SMARCA2: variants seen among roughly 807,000 people sequenced by gnomAD.
SMARCA2 encodes SWI/SNF-related matrix-associated actin-dependent regulator of chromatin subfamily A member 2.
Under a neutral mutation model 199.8 loss-of-function variants are expected in SMARCA2, and 61 were observed. The observed-to-expected ratio is 0.31, with a 90% CI of 0.25 to 0.38. The LOEUF (loss-of-function observed/expected upper bound fraction) is 0.38, where lower values mean the gene tolerates loss of function less well. SMARCA2 is among the 10% of genes least tolerant of loss of function. SMARCA2 has a pLI of 1.00. For synonymous variants in SMARCA2, 935 were observed against 732.0 expected (o/e 1.28, Z -4.48); for missense variants, 1,344 against 2,012.2 (o/e 0.67, Z 6.35).
chr9:2,168,956 A>T (rs554329055), intron 28 of SMARCA2, among the ~76,000 whole-genome samples: 3 of 152,088 alleles, frequency 2.0e-5, no homozygotes, highest in Admixed American at 2.0e-4. Flanking sequence ...CTAAGGTAGC[A>T]CTTGTTGTTT....
intron 22 of SMARCA2, 53 bp from the exon 23 acceptor site, chr9:2,103,950 T>TC: frequency 6.5e-7 from 1 of 1,543,290 alleles, no homozygotes; most frequent in Non-Finnish European, 8.9e-7. Context: ...CTGGATTTTT[T>TC]AAGAAGACAG....
chr9:2,052,728 C>T (rs1449921051), intron 5 of SMARCA2, among the ~76,000 whole-genome samples: 1 of 151,964 alleles, frequency 6.6e-6, no homozygotes, highest in Non-Finnish European at 1.5e-5. Context: ...TAAAAAATCA[C>T]TCATTTTGAT....
At chr9:2,191,156 G>C (rs1827851489) in intron 32 of SMARCA2, 110 bp from the exon 33 acceptor site, 1 of 1,048,902 alleles carries the variant, frequency 9.5e-7, no homozygotes, top group Non-Finnish European at 1.4e-6. Flanking sequence ...GAATGTTCTG[G>C]GCACTCTGGG....
chr9:2,140,357 T>C (rs1054790924), intron 27 of SMARCA2, among the ~76,000 whole-genome samples: 2 of 152,206 alleles, frequency 1.3e-5, no homozygotes, highest in African/African-American at 2.4e-5. Flanking sequence ...GGGAAGGATA[T>C]TGTGAAGTCC....
At chr9:2,191,142 C>A in intron 32 of SMARCA2, 124 bp from the exon 33 acceptor site, 1 of 913,094 alleles carries the variant, frequency 1.1e-6, no homozygotes, top group Non-Finnish European at 1.7e-6. Context: ...CAGGCATAAA[C>A]CGGGAATGTT....
rs561861581 is a variant in SMARCA2 at position 2,155,560 on chromosome 9, C to T, written c.3982-6126C>T. 2.0e-5 allele frequency among the ~76,000 whole-genome samples: 3 copies of T among 152,192 alleles called. No homozygotes were observed. In the East Asian group the frequency reaches 5.8e-4, roughly 29 times the overall value. On this transcript the variant is annotated intron_variant, in intron 27 of 33. Transcript: ENST00000349721. ...CCTCCCAAAGTGCTGGGATTACAGGCGTGAGCCACTGCGCGGGGGCATTTT... is the reference window on the plus strand; with the variant it reads ...CCTCCCAAAGTGCTGGGATTACAGGTGTGAGCCACTGCGCGGGGGCATTTT...
chr9:2,140,864 T>G (rs117222087), intron 27 of SMARCA2, among the ~76,000 whole-genome samples: 3,328 of 152,184 alleles, frequency 0.022, 45 homozygotes, highest in Non-Finnish European at 0.035. Flanking sequence ...GTCTTTCCAT[T>G]TGGTTGAGGA....
At chr9:2,158,847 A>G (rs1284551452) in intron 27 of SMARCA2, 1 of 1,228,650 alleles carries the variant, frequency 8.1e-7, no homozygotes, top group Non-Finnish European at 1.1e-6. Context: ...GATTTCCATT[A>G]GAAAAAGACC....
chr9:2,097,863 GTATT>G (rs1206094893), intron 21 of SMARCA2, among the ~76,000 whole-genome samples: 24 of 152,258 alleles, frequency 1.6e-4, no homozygotes, highest in African/African-American at 5.3e-4. Context: ...TTAAAATAAT[GTATT>G]TATGACTTCT....
chr9:2,086,737 G>T lies in SMARCA2; in HGVS notation c.2527-92G>T. ...ACAGCATATCATATACCAAGGATGG[G>T]TTCTTTGGTTTTCCGCACCACCACT... On this transcript the variant is annotated intron_variant, in intron 17 of 33. Transcript: ENST00000349721. The surrounding 1 kb of genome is among the most constrained non-coding windows in gnomAD (Gnocchi z 4.3). 1.4e-6 allele frequency: 2 copies of T among 1,405,104 alleles called. No individual in the cohort carries two copies. Among genetic ancestry groups the T allele is most frequent in the South Asian group, 2.5e-5 (2 of 80,428 alleles). The allele number at this position is 1,405,104 out of a possible 1,614,324, so 87.0% of individuals were successfully genotyped here.
intron 27 of SMARCA2, chr9:2,160,736 TGA>T (rs79583769): frequency 0.15 from 70,782 of 463,996 alleles, 5,960 homozygotes; most frequent in South Asian, 0.21. Flanking sequence ...TTATTTTGTG[TGA>T]GAGAGCAATC....
At position 2,086,563 on chromosome 9, in the gene SMARCA2, A is replaced by G. The variant is rs1329805947; in HGVS notation, c.2527-266A>G. On this transcript the variant is annotated intron_variant, in intron 17 of 33. Transcript: ENST00000349721. This position sits in a 1 kb window ranked among gnomAD's most constrained non-coding sequence, Gnocchi z 4.3. ...CGTGGAAACAACCATGTCATTCTGG[A>G]CCCAAATTTCCTTCTTTGTAAAAAG... Among the ~76,000 whole-genome samples the G allele has an allele frequency of 2.6e-5, 4 of 152,188 alleles. No individual in the cohort carries two copies. Among genetic ancestry groups the G allele is most frequent in the Non-Finnish European group, 4.4e-5 (3 of 68,032 alleles).
At chr9:2,050,291 G>A (rs1448019748) in intron 5 of SMARCA2, among the ~76,000 whole-genome samples, 1 of 151,178 alleles carries the variant, frequency 6.6e-6, no homozygotes, top group Non-Finnish European at 1.5e-5. Flanking sequence ...TACTTCCATA[G>A]TAAGTGTCAG....
intron 29 of SMARCA2, among the ~76,000 whole-genome samples, chr9:2,180,593 C>G (rs1826955125): frequency 6.6e-6 from 1 of 152,140 alleles, no homozygotes; most frequent in South Asian, 2.1e-4. Context: ...AGATGGCATC[C>G]TAAGGGGAGT....
chr9:2,057,104 C>T (rs1235538380), intron 7 of SMARCA2, among the ~76,000 whole-genome samples: 3 of 152,210 alleles, frequency 2.0e-5, no homozygotes, highest in African/African-American at 7.2e-5. Context: ...CTTAGTTTGT[C>T]TGGGCTGCTA....
rs1178949984 is a variant in SMARCA2, at chr9:2,073,235, G to A, written c.1770G>A (p.Met590Ile). Residue 590 changes from methionine to isoleucine, a missense_variant, in exon 11 of 34, where the codon ATG becomes ATA. This residue lies in a region of SMARCA2 where 68 missense variants were observed against 70.4 expected (regional missense o/e 0.97). Coordinates refer to ENST00000349721, the MANE Select transcript of SMARCA2 (RefSeq NM_003070.5). The part of the protein sequence containing the change: ...DGEPIDESSQ[M>I]SDLPVKVTHT... Reference sequence around the variant, plus strand: ...AGCCCATAGATGAGAGCAGCCAGATGAGTGACCTCCCTGTCAAAGTGACTC... The same window carrying A: ...AGCCCATAGATGAGAGCAGCCAGATAAGTGACCTCCCTGTCAAAGTGACTC... The A allele has an allele frequency of 1.9e-6, 3 of 1,614,176 alleles. No individual in the cohort carries two copies. Among genetic ancestry groups the A allele is most frequent in the Non-Finnish European group, 1.7e-6 (2 of 1,180,040 alleles).
chr9:2,121,311 C>T (rs1025248398), intron 26 of SMARCA2, among the ~76,000 whole-genome samples: 5 of 152,222 alleles, frequency 3.3e-5, no homozygotes, highest in Non-Finnish European at 5.9e-5. Context: ...GGTTGTAACA[C>T]AGGTGAGGCT....
chr9:2,060,755 G>A (rs1820552198), intron 8 of SMARCA2, 61 bp from the exon 9 acceptor site: 2 of 1,492,766 alleles, frequency 1.3e-6, no homozygotes, highest in African/African-American at 2.8e-5. Flanking sequence ...GGACAGAGTG[G>A]AGAGTGGAGT....
At chr9:2,192,427 A>G in intron 33 of SMARCA2, 1 of 383,818 alleles carries the variant, frequency 2.6e-6, no homozygotes, top group South Asian at 3.8e-5. Context: ...TGAAAAAGAG[A>G]AAATATTAGC....
Sources: allele counts gnomAD v4.1 joint callset (sites outside exome capture counted in the v4.1 genomes callset), GRCh38; gene constraint gnomAD v4.1.1; regional missense constraint gnomAD v4.1.1; non-coding constraint Gnocchi (gnomAD v3.1); transcripts MANE v1.5; gene names NCBI Gene and HGNC (gene_info 2026-07-23, HGNC 2026-07-21).